Variants in PLCE1 observed in about 807,000 individuals in gnomAD.
PLCE1 encodes the protein 1-phosphatidylinositol 4,5-bisphosphate phosphodiesterase epsilon-1.
In PLCE1, 119 loss-of-function variants were observed where a neutral mutation model predicts 242.8. That is an observed-to-expected ratio of 0.49 (90% CI 0.42 to 0.57). The LOEUF is 0.57. Ranked by LOEUF, PLCE1 falls within the 20% of genes least tolerant of loss-of-function variation. PLCE1 has a pLI of 0.00. For missense variants in PLCE1, 2,441 were observed against 2,788.8 expected (o/e 0.88, Z 2.81); for synonymous variants, 945 against 1,017.4 (o/e 0.93, Z 1.35).
chr10:94,016,896 C>A (rs1026777817), intron 1 of PLCE1, among the ~76,000 whole-genome samples: 2 of 151,892 alleles, frequency 1.3e-5, no homozygotes, highest in African/African-American at 4.8e-5. Context: ...TCCCTGGTAC[C>A]CATAAAATCA....
intron 2 of PLCE1, among the ~76,000 whole-genome samples, chr10:94,090,369 T>G (rs1443905526): frequency 1.3e-5 from 2 of 152,204 alleles, no homozygotes. Flanking sequence ...TTATGAGTGT[T>G]AGGGTTAAAA....
intron 4 of PLCE1, among the ~76,000 whole-genome samples, chr10:94,213,389 C>T (rs2049410047): frequency 6.6e-6 from 1 of 152,180 alleles, no homozygotes; most frequent in Non-Finnish European, 1.5e-5. Flanking sequence ...GTCCAGTGTA[C>T]CTGATGTTTC....
At chr10:94,090,744 C>T (rs949846203) in intron 2 of PLCE1, among the ~76,000 whole-genome samples, 1 of 152,184 alleles carries the variant, frequency 6.6e-6, no homozygotes, top group African/African-American at 2.4e-5. Context: ...GCCCTTTCAG[C>T]CTATGTCGTC....
At chr10:94,133,646 C>A (rs1007674602) in intron 3 of PLCE1, among the ~76,000 whole-genome samples, 1 of 152,182 alleles carries the variant, frequency 6.6e-6, no homozygotes, top group Non-Finnish European at 1.5e-5. Context: ...AATACTGTAA[C>A]CTCCTTGTGT....
intron 4 of PLCE1, among the ~76,000 whole-genome samples, chr10:94,190,824 C>T (rs1212118741): frequency 2.0e-5 from 3 of 152,266 alleles, no homozygotes; most frequent in Admixed American, 6.5e-5. Flanking sequence ...CAGTGCAAGG[C>T]GGGAGCATGG....
intron 2 of PLCE1, among the ~76,000 whole-genome samples, chr10:94,076,132 CGT>C (rs747481933): frequency 0.011 from 1,630 of 145,280 alleles, 17 homozygotes; most frequent in African/African-American, 0.027. Context: ...TGTGTGCGTG[CGT>C]GTGTGTGTGT....
At chr10:94,185,741 CTG>C (rs747785362) in intron 4 of PLCE1, among the ~76,000 whole-genome samples, 1 of 152,186 alleles carries the variant, frequency 6.6e-6, no homozygotes, top group African/African-American at 2.4e-5. Flanking sequence ...GAGATAAAGA[CTG>C]TGCATGCCAT....
intron 4 of PLCE1, among the ~76,000 whole-genome samples, chr10:94,183,011 C>G (rs912586579): frequency 6.6e-6 from 1 of 152,170 alleles, no homozygotes; most frequent in Non-Finnish European, 1.5e-5. Flanking sequence ...TTCCTCAAGG[C>G]CTTTGCCATC....
rs200152581 is a variant in PLCE1 at position 94,279,841 on chromosome 10, A to G, written c.4725A>G (p.Arg1575=). Residue 1575 remains arginine, a synonymous_variant, in exon 20 of 33, where the codon CGA becomes CGG. Coordinates refer to ENST00000371380, the MANE Select transcript of PLCE1 (RefSeq NM_016341.4). ...QAYNGGNANP[R]PANNEEEEDE... is the part of the protein sequence containing the mutation. ...ATAATGGTGGGAATGCCAACCCCCGACCTGCCAATAATGAGGAAGAGGAAG... is the reference window on the plus strand; with the variant it reads ...ATAATGGTGGGAATGCCAACCCCCGGCCTGCCAATAATGAGGAAGAGGAAG... 6.2e-7 allele frequency: 1 copy of G among 1,612,784 alleles called. No homozygotes were observed. Among genetic ancestry groups the G allele is most frequent in the East Asian group, 2.2e-5 (1 of 44,804 alleles).
At chr10:94,017,134 G>A (rs2061297735) in intron 1 of PLCE1, among the ~76,000 whole-genome samples, 2 of 152,094 alleles carry the variant, frequency 1.3e-5, no homozygotes, top group South Asian at 4.1e-4. Flanking sequence ...CTCAGAAATG[G>A]CCTGAAGGCT....
At chr10:94,180,593 CTCTG>C (rs1342647121) in intron 4 of PLCE1, among the ~76,000 whole-genome samples, 1 of 152,196 alleles carries the variant, frequency 6.6e-6, no homozygotes, top group South Asian at 2.1e-4. Flanking sequence ...TTTTCCACCT[CTCTG>C]TCTGTTCATT....
At chr10:94,103,370 A>G (rs1050261263) in intron 2 of PLCE1, among the ~76,000 whole-genome samples, 4 of 152,228 alleles carry the variant, frequency 2.6e-5, no homozygotes, top group African/African-American at 9.7e-5. Context: ...AAAGCATCTA[A>G]GCCAGGGGAG....
At chr10:94,054,662 A>C (rs1426842880) in intron 2 of PLCE1, among the ~76,000 whole-genome samples, 1 of 152,188 alleles carries the variant, frequency 6.6e-6, no homozygotes, top group East Asian at 1.9e-4. Flanking sequence ...AGTGCTTTAC[A>C]TCTATTGGGG....
chr10:94,201,843 C>A (rs1425136533), intron 4 of PLCE1, among the ~76,000 whole-genome samples: 1 of 152,180 alleles, frequency 6.6e-6, no homozygotes, highest in Non-Finnish European at 1.5e-5. Flanking sequence ...ACATTTAGTA[C>A]AGTTTTTTTA....
Position 94,254,902 on chromosome 10 carries a change from CCA to C in PLCE1, c.3408_3409del (p.Ile1137ArgfsTer2). The C allele has an allele frequency of 6.2e-7, 1 of 1,613,988 alleles. No homozygotes were observed. The highest frequency in any genetic ancestry group is 8.5e-7 in the Non-Finnish European group (1 of 1,179,900). On this transcript the variant is annotated frameshift_variant, in exon 11 of 33. Transcript: ENST00000371380. LOFTEE classifies it high-confidence loss of function. ...TCTTTCATCCTCACAGAGGTGAATGCCATCGCTAACCCTCCAAACCCCCTCCC... is the reference window on the plus strand; with the variant it reads ...TCTTTCATCCTCACAGAGGTGAATGCTCGCTAACCCTCCAAACCCCCTCCC...
At position 94,246,269 on chromosome 10, in the gene PLCE1, C is replaced by A; in HGVS notation, c.2744C>A (p.Ala915Asp). The A allele has an allele frequency of 6.2e-7, 1 of 1,614,202 alleles. No individual in the cohort carries two copies. Among genetic ancestry groups the A allele is most frequent in the Non-Finnish European group, 8.5e-7 (1 of 1,180,012 alleles). ...KAKLGVLNNTAEPGKFPLLGN... is the reference protein window; with the variant it reads ...KAKLGVLNNTDEPGKFPLLGN... ...AAACTTGGTGTACTTAATAACACAGCTGAGCCTGGAAAATTCCCACTACTG... is the reference window on the plus strand; with the variant it reads ...AAACTTGGTGTACTTAATAACACAGATGAGCCTGGAAAATTCCCACTACTG... Residue 915 changes from alanine (A) to aspartate (D), a missense_variant, in exon 8 of 33, where the codon GCT (alanine) becomes GAT (aspartate). Coordinates refer to ENST00000371380, the MANE Select transcript of PLCE1 (RefSeq NM_016341.4).
chr10:94,240,108 C>T (rs923584148), intron 7 of PLCE1, among the ~76,000 whole-genome samples: 4 of 152,178 alleles, frequency 2.6e-5, no homozygotes, highest in Non-Finnish European at 4.4e-5. Context: ...ACAACATTCA[C>T]CTTAGGCTTT....
At chr10:94,008,070 T>C (rs1484425126) in intron 1 of PLCE1, among the ~76,000 whole-genome samples, 1 of 151,322 alleles carries the variant, frequency 6.6e-6, no homozygotes, top group Non-Finnish European at 1.5e-5. Context: ...CACACACCTA[T>C]AGTCCTACCT....
chr10:94,176,508 T>C (rs2048130936), intron 4 of PLCE1, among the ~76,000 whole-genome samples: 1 of 152,118 alleles, frequency 6.6e-6, no homozygotes, highest in African/African-American at 2.4e-5. Context: ...ATGGTGAAAA[T>C]TGATGTTATA....
Sources: allele counts gnomAD v4.1 joint callset (sites outside exome capture counted in the v4.1 genomes callset), GRCh38; gene constraint gnomAD v4.1.1; transcripts MANE v1.5; gene names NCBI Gene and HGNC (gene_info 2026-07-23, HGNC 2026-07-21).